Variants in CPQ observed in about 807,000 individuals in gnomAD.
CPQ encodes the protein carboxypeptidase Q.
A neutral mutation model predicts 45.7 loss-of-function variants in CPQ; 37 were observed. The ratio of observed to expected loss-of-function variants is 0.81; its 90% CI spans 0.62 to 1.07. The LOEUF (loss-of-function observed/expected upper bound fraction) is 1.07, where lower values mean the gene tolerates loss of function less well. Among genes scored for constraint, CPQ ranks in the 50% least tolerant of loss-of-function variants. The pLI, the probability that CPQ is intolerant of heterozygous loss-of-function variation, is 0.00. For synonymous variants in CPQ, 186 were observed against 205.8 expected (o/e 0.90, Z 0.82); for missense variants, 537 against 572.9 (o/e 0.94, Z 0.64).
intron 5 of CPQ, among the ~76,000 whole-genome samples, chr8:97,012,527 C>G (rs368902719): frequency 6.6e-6 from 1 of 152,136 alleles, no homozygotes; most frequent in Non-Finnish European, 1.5e-5. Context: ...GCACATAACT[C>G]TGCATGGATT....
intron 4 of CPQ, among the ~76,000 whole-genome samples, chr8:96,896,377 G>A (rs1812443088): frequency 6.6e-6 from 1 of 151,990 alleles, no homozygotes; most frequent in Non-Finnish European, 1.5e-5. Context: ...TGATATACTG[G>A]TCATACCTTT....
chr8:96,900,982 G>A (rs1812505708), intron 4 of CPQ, among the ~76,000 whole-genome samples: 1 of 152,018 alleles, frequency 6.6e-6, no homozygotes, highest in Non-Finnish European at 1.5e-5. Context: ...TCTTTCCTGG[G>A]CTGAGCTTCT....
rs189565730 is a variant in CPQ, at chr8:96,826,807, G to C, written c.434-8166G>C. On this transcript the variant is annotated intron_variant, in intron 2 of 7. Coordinates refer to ENST00000220763, the MANE Select transcript of CPQ (RefSeq NM_016134.4). ...ACTCCACTCCTCAACAGGCCTCAGTGTGTGTTGTTCCCCTCCCTGTGTCCG... is the reference window on the plus strand; with the variant it reads ...ACTCCACTCCTCAACAGGCCTCAGTCTGTGTTGTTCCCCTCCCTGTGTCCG... 3.9e-4 allele frequency among the ~76,000 whole-genome samples: 60 copies of C among 152,046 alleles called. 1 individual carries two copies. The highest frequency in any genetic ancestry group is 1.4e-3 in the African/African-American group (60 of 41,512).
At chr8:96,737,490 G>A (rs1810002688) in intron 1 of CPQ, among the ~76,000 whole-genome samples, 2 of 151,832 alleles carry the variant, frequency 1.3e-5, no homozygotes. Context: ...CATTGTTTGA[G>A]GGCAGGAAGC....
intron 4 of CPQ, among the ~76,000 whole-genome samples, chr8:96,905,213 A>G (rs1406141656): frequency 6.6e-6 from 1 of 152,060 alleles, no homozygotes; most frequent in East Asian, 1.9e-4. Context: ...AAACCATCAG[A>G]TCTTGTGAGA....
intron 1 of CPQ, among the ~76,000 whole-genome samples, chr8:96,713,068 A>G (rs1357519196): frequency 1.3e-5 from 2 of 152,094 alleles, no homozygotes; most frequent in African/African-American, 4.8e-5. Context: ...AAGAGCCACC[A>G]TTACTCCAGT....
intron 4 of CPQ, among the ~76,000 whole-genome samples, chr8:96,926,576 C>CTCTTCTTCTTCTTCTTCTTCTTAT (rs1812883762): frequency 1.3e-5 from 1 of 74,976 alleles, no homozygotes; most frequent in African/African-American, 8.2e-5. Flanking sequence ...CTTCCTCTTC[C>CTCTTCTTCTTCTTCTTCTTCTTAT]TCTTCTTCTT....
At chr8:97,094,756 AAT>A (rs35476502) in intron 7 of CPQ, among the ~76,000 whole-genome samples, 7 of 151,040 alleles carry the variant, frequency 4.6e-5, no homozygotes, top group African/African-American at 1.5e-4. Context: ...TCGCCATTAA[AAT>A]ATATATATAT....
chr8:97,029,120 C>T (rs1809850178), intron 5 of CPQ, among the ~76,000 whole-genome samples: 1 of 152,176 alleles, frequency 6.6e-6, no homozygotes, highest in Non-Finnish European at 1.5e-5. Flanking sequence ...TTGGGTTCTG[C>T]TGGGCAGGAT....
intron 6 of CPQ, among the ~76,000 whole-genome samples, chr8:97,060,243 T>C (rs1203486150): frequency 6.6e-6 from 1 of 152,100 alleles, no homozygotes; most frequent in African/African-American, 2.4e-5. Flanking sequence ...AAACATGCAA[T>C]ATGTATTTTA....
rs1362390009 is a variant in CPQ at position 96,892,537 on chromosome 8, A to C, written c.849+12532A>C. On this transcript the variant is annotated intron_variant, in intron 4 of 7. Transcript: ENST00000220763. Reference sequence around the variant, plus strand: ...GAAAGTTTCAGGGGGGTGGGGTTAAAGAGTTTTAAGCTGGCAAATTCATTC... The same window carrying C: ...GAAAGTTTCAGGGGGGTGGGGTTAACGAGTTTTAAGCTGGCAAATTCATTC... Among the ~76,000 whole-genome samples the C allele has an allele frequency of 6.6e-5, 10 of 152,354 alleles. No individual in the cohort carries two copies. In the East Asian group the frequency reaches 1.3e-3, roughly 21 times the overall value.
At chr8:96,703,859 T>C (rs1440484568) in intron 1 of CPQ, among the ~76,000 whole-genome samples, 1 of 152,156 alleles carries the variant, frequency 6.6e-6, no homozygotes, top group African/African-American at 2.4e-5. Flanking sequence ...ATGAGGATAT[T>C]ATGTATGCCT....
chr8:96,996,046 C>T lies in CPQ; in HGVS notation c.961+30000C>T, dbSNP rs1031797894. On this transcript the variant is annotated intron_variant, in intron 5 of 7. Coordinates refer to ENST00000220763, the MANE Select transcript of CPQ (RefSeq NM_016134.4). ...AGCAGGCAAGTGATGTGAAGGAAGG[C>T]GAGGAAGGAGAGAAAGCCAGAAAGA... 3.3e-5 allele frequency among the ~76,000 whole-genome samples: 5 copies of T among 151,696 alleles called. No homozygotes were observed. In the East Asian group the frequency reaches 7.7e-4, roughly 23 times the overall value.
At chr8:96,862,324 GGGAGAGAGAGAAA>G (rs1563515504) in intron 3 of CPQ, among the ~76,000 whole-genome samples, 2 of 150,950 alleles carry the variant, frequency 1.3e-5, no homozygotes, top group African/African-American at 4.9e-5. Context: ...GTGTGTGTCT[GGGAGAGAGAGAAA>G]GGAGAGAGAG....
In CPQ at chr8:96,796,255, A is replaced by G. The variant is rs565050205; in HGVS notation, c.433+10925A>G. On this transcript the variant is annotated intron_variant, in intron 2 of 7. Transcript: ENST00000220763. ...TTTGCATACCTTTGCTTATTGTTCA[A>G]GTTAATATTTTCATATGTTTACTGG... Among the ~76,000 whole-genome samples, 349 of 152,222 alleles carry G rather than the reference A, an allele frequency of 2.3e-3. 4 individuals are homozygous for G. The highest frequency in any genetic ancestry group is 8.2e-3 in the African/African-American group (341 of 41,562).
chr8:97,120,096 A>G (rs909601011), intron 7 of CPQ, among the ~76,000 whole-genome samples: 3 of 152,210 alleles, frequency 2.0e-5, no homozygotes, highest in African/African-American at 2.4e-5. Context: ...TAAATAACAA[A>G]ACTTTGTCTA....
chr8:96,735,239 C>A (rs894561413), intron 1 of CPQ, among the ~76,000 whole-genome samples: 1 of 152,154 alleles, frequency 6.6e-6, no homozygotes, highest in Non-Finnish European at 1.5e-5. Context: ...CTTGTTTATT[C>A]CTTTTATGTC....
At chr8:96,800,593 T>A (rs145715339) in intron 2 of CPQ, among the ~76,000 whole-genome samples, 8 of 152,280 alleles carry the variant, frequency 5.3e-5, no homozygotes, top group African/African-American at 1.7e-4. Context: ...ATATAAAATA[T>A]GATGGATGGC....
intron 1 of CPQ, among the ~76,000 whole-genome samples, chr8:96,741,974 G>A (rs1344490450): frequency 6.9e-6 from 1 of 144,676 alleles, no homozygotes; most frequent in Non-Finnish European, 1.5e-5. Context: ...GGAGAGTTCT[G>A]TAGATGTCTA....
Sources: allele counts gnomAD v4.1 joint callset (sites outside exome capture counted in the v4.1 genomes callset), GRCh38; gene constraint gnomAD v4.1.1; transcripts MANE v1.5; gene names NCBI Gene and HGNC (gene_info 2026-07-23, HGNC 2026-07-21).